FRAS1: variants seen among roughly 807,000 people sequenced by gnomAD.
The protein encoded by FRAS1 is Fraser extracellular matrix complex subunit 1.
In FRAS1, 290 loss-of-function variants were observed where a neutral mutation model predicts 435.2. That is an observed-to-expected ratio of 0.67 (90% CI 0.61 to 0.73). The LOEUF is 0.73. FRAS1 is among the 30% of genes least tolerant of loss of function. The probability of loss-of-function intolerance (pLI) is 0.00; values close to 1 mark genes in which losing one functional copy is unlikely to be tolerated. For missense variants in FRAS1, 4,860 were observed against 5,001.5 expected (o/e 0.97, Z 0.85); for synonymous variants, 1,800 against 1,851.0 (o/e 0.97, Z 0.71).
chr4:78,364,084 T>C, intron 22 of FRAS1, 30 bp downstream of exon 22: 2 of 1,551,588 alleles, frequency 1.3e-6, no homozygotes, highest in South Asian at 1.2e-5. Flanking sequence ...CTTCTCTCCT[T>C]TCCTTCTTTT....
At chr4:78,157,899 G>A (rs975891433) in intron 2 of FRAS1, among the ~76,000 whole-genome samples, 14 of 152,100 alleles carry the variant, frequency 9.2e-5, no homozygotes, top group East Asian at 1.9e-4. Flanking sequence ...TGGATGGCCA[G>A]TTATCCCAGC....
chr4:78,459,787 C>A (rs1719313355), intron 47 of FRAS1, among the ~76,000 whole-genome samples: 1 of 152,188 alleles, frequency 6.6e-6, no homozygotes, highest in South Asian at 2.1e-4. Flanking sequence ...AAGGACCCGC[C>A]CCAGGCCTCT....
intron 70 of FRAS1, among the ~76,000 whole-genome samples, chr4:78,530,604 T>C (rs957910729): frequency 6.6e-6 from 1 of 152,116 alleles, no homozygotes; most frequent in African/African-American, 2.4e-5. Flanking sequence ...GAAACTGGAC[T>C]CCATTGCTTG....
In FRAS1 at chr4:78,466,314, A is replaced by G. The variant is rs760215362; in HGVS notation, c.7136A>G (p.Asp2379Gly). The G allele has an allele frequency of 5.0e-6, 8 of 1,613,762 alleles. No homozygotes were observed. Among genetic ancestry groups the G allele is most frequent in the Non-Finnish European group, 6.8e-6 (8 of 1,179,808 alleles). Reference protein sequence around the residue: ...FHLTSTFTMKDIYQNRVSYSH... With the variant: ...FHLTSTFTMKGIYQNRVSYSH... ...CTCACCTCCACCTTCACCATGAAAG[A>G]TATCTACCAGAACCGGGTCAGCTAC... is the stretch of plus-strand genomic sequence containing the variant. The change falls in exon 50 of 74, where the codon GAT (aspartate) becomes GGT (glycine). Residue 2379 changes from aspartate to glycine, a missense_variant. Asp to Gly is a moderately conservative substitution (Grantham distance 94). Transcript: ENST00000512123.
At chr4:78,336,673 C>T (rs1380137349) in intron 19 of FRAS1, among the ~76,000 whole-genome samples, 1 of 151,520 alleles carries the variant, frequency 6.6e-6, no homozygotes, top group African/African-American at 2.4e-5. Context: ...TCCTTATCTT[C>T]TCTTGGCCTC....
chr4:78,491,891 T>C (rs1720363046), intron 59 of FRAS1, among the ~76,000 whole-genome samples: 1 of 152,238 alleles, frequency 6.6e-6, no homozygotes, highest in Non-Finnish European at 1.5e-5. Context: ...CATAATTGTA[T>C]ATTTAGAAAA....
intron 68 of FRAS1, 59 bp from the exon 69 acceptor site, chr4:78,522,590 C>A: frequency 7.2e-7 from 1 of 1,384,422 alleles, no homozygotes; most frequent in Non-Finnish European, 9.9e-7. Flanking sequence ...CTACCAGGTA[C>A]AGTCAAACTA....
At chr4:78,388,077 G>T (rs1732291371) in intron 29 of FRAS1, among the ~76,000 whole-genome samples, 1 of 152,106 alleles carries the variant, frequency 6.6e-6, no homozygotes, top group African/African-American at 2.4e-5. Context: ...TCTAATCCCA[G>T]CACTTTGGGA....
At chr4:78,405,852 G>T (rs1733076712) in intron 30 of FRAS1, among the ~76,000 whole-genome samples, 2 of 152,192 alleles carry the variant, frequency 1.3e-5, no homozygotes, top group African/African-American at 4.8e-5. Context: ...GCTTGCAGCA[G>T]TTCATCCATT....
At chr4:78,283,104 T>G in intron 12 of FRAS1, 137 bp downstream of exon 12, 1 of 641,154 alleles carries the variant, frequency 1.6e-6, no homozygotes, top group Non-Finnish European at 2.3e-6. Flanking sequence ...TTCATAATTT[T>G]TCTAACAAAT....
rs1317875201 is a variant in FRAS1 at position 78,475,548 on chromosome 4, C to T, written c.7793C>T (p.Ser2598Phe). ...CGCACCGAGCAAGGCACCGCCAGCT[C>T]CAGCTCCAGGGTCAGCTCCCAACCT... ...LCRTEQGTAS[S>F]SSRVSSQPGQ... is the part of the protein sequence containing the mutation. The change falls in exon 54 of 74, where the codon TCC becomes TTC. Residue 2598 changes from serine to phenylalanine, a missense_variant. Coordinates refer to ENST00000512123, the MANE Select transcript of FRAS1 (RefSeq NM_025074.7). 1.2e-6 allele frequency: 2 copies of T among 1,613,700 alleles called. No individual in the cohort carries two copies. The highest frequency in any genetic ancestry group is 1.1e-5 in the South Asian group (1 of 91,030).
chr4:78,366,469 A>G (rs1731272049), intron 22 of FRAS1, among the ~76,000 whole-genome samples: 1 of 152,214 alleles, frequency 6.6e-6, no homozygotes, highest in Non-Finnish European at 1.5e-5. Context: ...TTCCTCCTTC[A>G]TTCACACAAT....
chr4:78,100,700 C>A (rs1742079545), intron 2 of FRAS1, among the ~76,000 whole-genome samples: 1 of 152,048 alleles, frequency 6.6e-6, no homozygotes, highest in South Asian at 2.1e-4. Context: ...TTCACTGGGC[C>A]CCACAAAATT....
rs187826477 is a variant in FRAS1, at chr4:78,515,858, C to T, written c.10234C>T (p.Arg3412Cys). 174 of 1,614,030 alleles carry T rather than the reference C, an allele frequency of 1.1e-4. No homozygotes were observed. In the Admixed American group the frequency reaches 2.4e-3, roughly 22 times the overall value. Residue 3412 changes from arginine to cysteine, a missense_variant, in exon 66 of 74, where the codon CGC becomes TGC. By Grantham distance (180) the Arg-to-Cys change is radical. Coordinates refer to ENST00000512123, the MANE Select transcript of FRAS1 (RefSeq NM_025074.7). Reference sequence around the variant, plus strand: ...CACTGCCCTGGGGCCTGGCTACGATCGCCCCTTCCAGTTTGACCCCAGCGT... The same window carrying T: ...CACTGCCCTGGGGCCTGGCTACGATTGCCCCTTCCAGTTTGACCCCAGCGT... ...DSTALGPGYD[R>C]PFQFDPSVRE...
At chr4:78,298,945 G>C (rs1240578344) in intron 14 of FRAS1, among the ~76,000 whole-genome samples, 2 of 152,176 alleles carry the variant, frequency 1.3e-5, no homozygotes, top group African/African-American at 4.8e-5. Context: ...TGATAAGAGA[G>C]GCATATGCAA....
At chr4:78,401,776 G>A (rs1197558564) in intron 30 of FRAS1, among the ~76,000 whole-genome samples, 2 of 150,294 alleles carry the variant, frequency 1.3e-5, no homozygotes, top group Non-Finnish European at 3.0e-5. Flanking sequence ...TATTTTTCCG[G>A]TAAATCTCAG....
chr4:78,097,514 A>G (rs1741871149), intron 2 of FRAS1, among the ~76,000 whole-genome samples: 1 of 152,224 alleles, frequency 6.6e-6, no homozygotes, highest in Non-Finnish European at 1.5e-5. Flanking sequence ...TCACAGTTCC[A>G]TGTGGCTTGC....
chr4:78,177,276 A>G (rs1170233987), intron 2 of FRAS1, among the ~76,000 whole-genome samples: 2 of 152,220 alleles, frequency 1.3e-5, no homozygotes, highest in African/African-American at 4.8e-5. Context: ...GAAACAAATA[A>G]TTATACTTAA....
In FRAS1 at chr4:78,511,346, C is replaced by T. The variant is rs182196851; in HGVS notation, c.9853C>T (p.His3285Tyr). 4,508 of 1,613,704 alleles carry T rather than the reference C, an allele frequency of 2.8e-3. 36 individuals are homozygous for T. Among genetic ancestry groups the T allele is most frequent in the Non-Finnish European group, 2.1e-3 (2,530 of 1,179,718 alleles). The change falls in exon 64 of 74, where the codon CAT becomes TAT. Residue 3285 changes from histidine to tyrosine, a missense_variant. Transcript: ENST00000512123. ...CVAKAVDKVGHVGTPLRSNIV... is the reference protein window; with the variant it reads ...CVAKAVDKVGYVGTPLRSNIV... The stretch of plus-strand genomic sequence containing the variant: ...GGCCAAGGCTGTGGACAAGGTGGGC[C>T]ATGTGGGGACCCCCTTAAGGAGCAA...
Sources: gnomAD v4.1 joint callset for allele counts (sites outside exome capture counted in the v4.1 genomes callset) on GRCh38, gnomAD v4.1.1 for gene constraint, MANE v1.5 for transcripts, NCBI Gene and HGNC (gene_info 2026-07-23, HGNC 2026-07-21) for gene names.